TAFA2: variants seen among roughly 807,000 people sequenced by gnomAD.
The protein encoded by TAFA2 is chemokine-like protein TAFA-2.
A neutral mutation model predicts 18.8 loss-of-function variants in TAFA2; 7 were observed. The ratio of observed to expected loss-of-function variants is 0.37; its 90% CI spans 0.21 to 0.70. TAFA2 has a LOEUF of 0.70. Ranked by LOEUF, TAFA2 falls within the 30% of genes least tolerant of loss-of-function variation. TAFA2 has a pLI of 0.53. For missense variants in TAFA2, 122 were observed against 158.1 expected (o/e 0.77, Z 1.23); for synonymous variants, 60 against 54.2 (o/e 1.11, Z -0.47).
In TAFA2 at chr12:62,059,137, A is replaced by ATGTGTGTGTGTGTGTGTGTG. The variant is rs779755647; in HGVS notation, c.-2+132121_-2+132122insCACACACACACACACACACA. Among the ~76,000 whole-genome samples the ATGTGTGTGTGTGTGTGTGTG allele has an allele frequency of 6.9e-4, 30 of 43,536 alleles. 1 individual carries two copies. The highest frequency in any genetic ancestry group is 1.2e-3 in the Admixed American group (4 of 3,472). The allele number at this position is 43,536 out of a possible 152,430, so 28.6% of individuals were successfully genotyped here. A position where few individuals can be genotyped will look rare whatever the true frequency, so the allele number is the denominator to read the frequency against. On this transcript the variant is annotated intron_variant, in intron 1 of 4. Coordinates refer to ENST00000416284, the MANE Select transcript of TAFA2 (RefSeq NM_178539.5). ...AATAATAATATATATATATGTGTGT[A>ATGTGTGTGTGTGTGTGTGTG]TATGTGTGTGTGTGTGTGTGTGTGT...
chr12:61,887,342 T>A lies in TAFA2; in HGVS notation c.-1-19916A>T, dbSNP rs183689783. On this transcript the variant is annotated intron_variant, in intron 1 of 4. Transcript: ENST00000416284. ...AATGTAGAAAATATTGCTTCCTACC[T>A]AGTAGGGTTAGCCTTATTACAAAAT... Among the ~76,000 whole-genome samples the A allele has an allele frequency of 2.2e-3, 339 of 152,266 alleles. 1 individual carries two copies. The highest frequency in any genetic ancestry group is 3.2e-3 in the Non-Finnish European group (217 of 68,008).
chr12:62,174,231 G>T (rs1421932616), intron 1 of TAFA2, among the ~76,000 whole-genome samples: 1 of 152,068 alleles, frequency 6.6e-6, no homozygotes, highest in African/African-American at 2.4e-5. Context: ...CAGGAGAATC[G>T]CTTGAACCTG....
intron 1 of TAFA2, among the ~76,000 whole-genome samples, chr12:62,208,914 T>C (rs2062702773): frequency 6.6e-6 from 1 of 152,246 alleles, no homozygotes; most frequent in African/African-American, 2.4e-5. Flanking sequence ...AGCTCCAGGT[T>C]ATCTCTCTGT....
chr12:62,114,252 C>A (rs1461192439), intron 1 of TAFA2, among the ~76,000 whole-genome samples: 1 of 152,284 alleles, frequency 6.6e-6, no homozygotes, highest in Non-Finnish European at 1.5e-5. Context: ...AGGGAGTTCC[C>A]TGACCCCTTG....
At chr12:61,938,931 G>A (rs1361686171) in intron 1 of TAFA2, among the ~76,000 whole-genome samples, 6 of 151,068 alleles carry the variant, frequency 4.0e-5, no homozygotes, top group Non-Finnish European at 8.8e-5. Flanking sequence ...GGTGGGTGAG[G>A]GATTAAAAAA....
chr12:61,965,561 C>G (rs1043110501), intron 1 of TAFA2, among the ~76,000 whole-genome samples: 4 of 151,804 alleles, frequency 2.6e-5, no homozygotes, highest in African/African-American at 4.8e-5. Context: ...AAGTGATGTG[C>G]TAGGTGAATA....
At chr12:61,723,229 A>C (rs1051197368) in intron 4 of TAFA2, among the ~76,000 whole-genome samples, 6 of 152,138 alleles carry the variant, frequency 3.9e-5, no homozygotes, top group African/African-American at 1.4e-4. Flanking sequence ...ATGATTATTA[A>C]TCTGTTTCTC....
At chr12:62,134,323 C>T (rs1466762890) in intron 1 of TAFA2, among the ~76,000 whole-genome samples, 4 of 151,852 alleles carry the variant, frequency 2.6e-5, no homozygotes, top group Non-Finnish European at 5.9e-5. Flanking sequence ...ATGGAGCACA[C>T]GATGAGATTA....
intron 1 of TAFA2, among the ~76,000 whole-genome samples, chr12:61,883,173 C>CA (rs1280428282): frequency 2.6e-5 from 4 of 151,568 alleles, no homozygotes; most frequent in Admixed American, 2.0e-4. Context: ...ACATAGTAAA[C>CA]AAAAAAAATT....
At chr12:62,063,762 G>A (rs1882413306) in intron 1 of TAFA2, among the ~76,000 whole-genome samples, 1 of 151,764 alleles carries the variant, frequency 6.6e-6, no homozygotes, top group Non-Finnish European at 1.5e-5. Flanking sequence ...ACCTTTAAGA[G>A]CAAAGCTTAA....
chr12:61,904,147 T>C (rs1181525247), intron 1 of TAFA2, among the ~76,000 whole-genome samples: 1 of 152,156 alleles, frequency 6.6e-6, no homozygotes, highest in Non-Finnish European at 1.5e-5. Flanking sequence ...AATATGTTTA[T>C]CAGAGTCAAT....
chr12:61,967,479 C>T lies in TAFA2; in HGVS notation c.-1-100053G>A, dbSNP rs187788048. ...TGATTTGATTCTAAAGAACATGCTA[C>T]ACTCCCATTGTTTGTCCTATCCATT... is the stretch of plus-strand genomic sequence containing the variant. On this transcript the variant is annotated intron_variant, in intron 1 of 4. Transcript: ENST00000416284. Among the ~76,000 whole-genome samples the T allele has an allele frequency of 3.1e-3, 465 of 151,968 alleles. 3 individuals are homozygous for T. Among genetic ancestry groups the T allele is most frequent in the Non-Finnish European group, 5.4e-3 (369 of 67,856 alleles).
At chr12:62,158,664 T>C (rs2062387331) in intron 1 of TAFA2, among the ~76,000 whole-genome samples, 2 of 152,258 alleles carry the variant, frequency 1.3e-5, no homozygotes, top group African/African-American at 4.8e-5. Context: ...CCAGTGATTG[T>C]GAAACAGTTG....
intron 1 of TAFA2, among the ~76,000 whole-genome samples, chr12:61,962,713 T>C (rs1187036520): frequency 6.6e-6 from 1 of 152,020 alleles, no homozygotes; most frequent in Non-Finnish European, 1.5e-5. Flanking sequence ...ATTACTTATG[T>C]AATTATACAC....
intron 2 of TAFA2, among the ~76,000 whole-genome samples, chr12:61,787,732 C>G (rs888697304): frequency 6.6e-6 from 1 of 151,420 alleles, no homozygotes; most frequent in East Asian, 1.9e-4. Flanking sequence ...AGACCCAAAG[C>G]TTACCATAAC....
chr12:62,067,011 T>C (rs1290415466), intron 1 of TAFA2, among the ~76,000 whole-genome samples: 1 of 152,110 alleles, frequency 6.6e-6, no homozygotes. Context: ...CCATTTTAAC[T>C]GGGATGAGAT....
Position 61,843,361 on chromosome 12 carries a change from TA to T in TAFA2, c.106+23958del, listed in dbSNP as rs953532505. On this transcript the variant is annotated intron_variant, in intron 2 of 4. Transcript: ENST00000416284. ...CAGATATTGGAAAAAAAACTGCATT[TA>T]AGAGAAACAAAAAATGAGGCTGACC... 5.9e-5 allele frequency among the ~76,000 whole-genome samples: 9 copies of T among 151,994 alleles called. 2 individuals are homozygous for T. Among genetic ancestry groups the T allele is most frequent in the Admixed American group, 5.3e-4 (8 of 15,234 alleles).
intron 1 of TAFA2, among the ~76,000 whole-genome samples, chr12:61,919,498 C>T (rs760311396): frequency 6.6e-6 from 1 of 152,258 alleles, no homozygotes; most frequent in Non-Finnish European, 1.5e-5. Flanking sequence ...AGGTAAAATA[C>T]ACACACCCAA....
At position 61,856,830 on chromosome 12, in the gene TAFA2, T is replaced by A. The variant is rs559479130; in HGVS notation, c.106+10490A>T. The stretch of plus-strand genomic sequence containing the variant: ...AAACAGTTATATATGTGAATGTTTA[T>A]TACAGCATTATTTTTACTAAAAATG... On this transcript the variant is annotated intron_variant, in intron 2 of 4. Coordinates refer to ENST00000416284, the MANE Select transcript of TAFA2 (RefSeq NM_178539.5). Among the ~76,000 whole-genome samples, 239 of 151,918 alleles carry A rather than the reference T, an allele frequency of 1.6e-3. 1 individual carries two copies. Among genetic ancestry groups the A allele is most frequent in the African/African-American group, 4.9e-3 (204 of 41,562 alleles).
Sources: allele counts gnomAD v4.1 joint callset (sites outside exome capture counted in the v4.1 genomes callset), GRCh38; gene constraint gnomAD v4.1.1; transcripts MANE v1.5; gene names NCBI Gene and HGNC (gene_info 2026-07-23, HGNC 2026-07-21).